Variants in NRXN3 observed in about 807,000 individuals in gnomAD.
NRXN3 encodes neurexin III.
NRXN3 carries 32 observed loss-of-function variants against 137.6 expected under a neutral mutation model. The observed-to-expected ratio is 0.23, with a 90% CI of 0.18 to 0.31. NRXN3 has a LOEUF of 0.31. Ranked by LOEUF, NRXN3 falls within the 10% of genes least tolerant of loss-of-function variation. The pLI is 1.00. For synonymous variants in NRXN3, 798 were observed against 784.5 expected, an observed-to-expected ratio of 1.02 and a Z score of -0.29; for missense variants, 1,574 against 2,062.5, an observed-to-expected ratio of 0.76 and a Z score of 4.59.
intron 15 of NRXN3, among the ~76,000 whole-genome samples, chr14:79,230,174 T>C (rs2071885407): frequency 6.6e-6 from 1 of 152,070 alleles, no homozygotes; most frequent in Non-Finnish European, 1.5e-5. Flanking sequence ...TTGAAATATT[T>C]CATTTTTTTT....
At chr14:79,303,224 C>CT (rs2085447127) in intron 15 of NRXN3, among the ~76,000 whole-genome samples, 1 of 152,020 alleles carries the variant, frequency 6.6e-6, no homozygotes, top group Non-Finnish European at 1.5e-5. Context: ...TCAATCAGCT[C>CT]TTGTCTAGAT....
At chr14:79,588,740 T>C (rs1212311015) in intron 16 of NRXN3, among the ~76,000 whole-genome samples, 1 of 152,210 alleles carries the variant, frequency 6.6e-6, no homozygotes, top group Non-Finnish European at 1.5e-5. Context: ...TGCCTGTCCA[T>C]GAACTCGTCC....
At chr14:78,825,655 C>T (rs1039982811) in intron 10 of NRXN3, among the ~76,000 whole-genome samples, 4 of 152,246 alleles carry the variant, frequency 2.6e-5, no homozygotes, top group Non-Finnish European at 5.9e-5. Flanking sequence ...TTTACCAGGC[C>T]TCCTGGGCAC....
At chr14:79,735,954 A>G (rs2098940330) in intron 19 of NRXN3, among the ~76,000 whole-genome samples, 1 of 152,208 alleles carries the variant, frequency 6.6e-6, no homozygotes, top group Admixed American at 6.5e-5. Flanking sequence ...TTATAAAATA[A>G]TGTACAAAAT....
intron 8 of NRXN3, among the ~76,000 whole-genome samples, chr14:78,736,412 T>A (rs562362046): frequency 6.6e-6 from 1 of 152,284 alleles, no homozygotes; most frequent in East Asian, 1.9e-4. Context: ...GCTGGATAAT[T>A]GTAATTGTCT....
chr14:79,792,422 T>C (rs1023128637), intron 19 of NRXN3, among the ~76,000 whole-genome samples: 11 of 152,332 alleles, frequency 7.2e-5, no homozygotes, highest in African/African-American at 1.9e-4. Flanking sequence ...CCTAAAAGTT[T>C]GTCATTAAAG....
chr14:79,305,894 G>A (rs957347827), intron 15 of NRXN3, among the ~76,000 whole-genome samples: 12 of 152,110 alleles, frequency 7.9e-5, no homozygotes, highest in Admixed American at 1.3e-4. Context: ...ATAAAGTGGG[G>A]TCGGAGTGGA....
intron 15 of NRXN3, among the ~76,000 whole-genome samples, chr14:79,010,386 C>G (rs2099569005): frequency 6.6e-6 from 1 of 152,162 alleles, no homozygotes; most frequent in Non-Finnish European, 1.5e-5. Context: ...ATCATTTGGG[C>G]TATATCTATC....
At chr14:79,605,395 G>A (rs1384756202) in intron 16 of NRXN3, among the ~76,000 whole-genome samples, 1 of 152,136 alleles carries the variant, frequency 6.6e-6, no homozygotes, top group East Asian at 1.9e-4. Context: ...AGTGATCTGG[G>A]AGAAGGAGTC....
At chr14:79,280,550 T>C (rs763945241) in intron 15 of NRXN3, 2 of 1,607,414 alleles carry the variant, frequency 1.2e-6, no homozygotes, top group Admixed American at 3.3e-5. Flanking sequence ...TAGGTCTCTC[T>C]GCTCTTTATC....
intron 3 of NRXN3, among the ~76,000 whole-genome samples, chr14:78,290,448 G>A (rs1463042914): frequency 1.3e-5 from 2 of 152,160 alleles, no homozygotes. Flanking sequence ...CAGGTTCACA[G>A]TGAAGGTCAG....
chr14:78,422,507 C>T (rs377280670), intron 4 of NRXN3, among the ~76,000 whole-genome samples: 1 of 152,170 alleles, frequency 6.6e-6, no homozygotes, highest in African/African-American at 2.4e-5. Flanking sequence ...TTGGAGGGAT[C>T]ATGGTGTTAA....
intron 9 of NRXN3, among the ~76,000 whole-genome samples, chr14:78,805,318 G>C (rs577152973): frequency 4.6e-5 from 7 of 151,812 alleles, no homozygotes; most frequent in Admixed American, 2.6e-4. Context: ...TTCTTTTGCT[G>C]GATCTTTTTG....
chr14:78,510,059 T>TATATATATATATATATATATATA (rs1567797721), intron 4 of NRXN3, among the ~76,000 whole-genome samples: 5 of 148,358 alleles, frequency 3.4e-5, no homozygotes, highest in East Asian at 4.0e-4. Flanking sequence ...TATATATATA[T>TATATATATATATATATATATATA]TTTGGCAATG....
intron 2 of NRXN3, among the ~76,000 whole-genome samples, chr14:78,268,813 A>T (rs1323451726): frequency 1.3e-5 from 2 of 152,138 alleles, no homozygotes; most frequent in Non-Finnish European, 2.9e-5. Context: ...GGGGCCTGGT[A>T]TACAGGAAGC....
chr14:78,499,070 T>C (rs2095839240), intron 4 of NRXN3, among the ~76,000 whole-genome samples: 1 of 152,180 alleles, frequency 6.6e-6, no homozygotes, highest in South Asian at 2.1e-4. Context: ...AGATGATATA[T>C]TTAAAGTGCT....
At chr14:79,432,123 A>ATTT (rs1487164717) in intron 15 of NRXN3, among the ~76,000 whole-genome samples, 1 of 3,080 alleles carries the variant, frequency 3.2e-4, no homozygotes. Context: ...CATCTCAATC[A>ATTT]TTTTTTTTAG....
At chr14:79,351,701 T>C (rs2093216242) in intron 15 of NRXN3, among the ~76,000 whole-genome samples, 2 of 152,210 alleles carry the variant, frequency 1.3e-5, no homozygotes, top group Non-Finnish European at 2.9e-5. Context: ...ACTGATGGTG[T>C]GATCAGTTCT....
At chr14:79,582,754 A>T (rs1038141522) in intron 16 of NRXN3, among the ~76,000 whole-genome samples, 1 of 152,212 alleles carries the variant, frequency 6.6e-6, no homozygotes, top group Admixed American at 6.5e-5. Flanking sequence ...TGTTAACTAA[A>T]GGAATGAAGA....
Sources: allele counts gnomAD v4.1 joint callset (sites outside exome capture counted in the v4.1 genomes callset), GRCh38; gene constraint gnomAD v4.1.1; transcripts MANE v1.5; gene names NCBI Gene and HGNC (gene_info 2026-07-23, HGNC 2026-07-21).